The following SLC29A4 variants were observed in gnomAD, a reference collection of about 807,000 sequenced individuals.
SLC29A4 encodes solute carrier family 29 member 4.
In SLC29A4, 36 loss-of-function variants were observed where a neutral mutation model predicts 43.9. The ratio of observed to expected loss-of-function variants is 0.82; its 90% CI spans 0.63 to 1.08. SLC29A4 has a LOEUF of 1.08. Ranked by LOEUF, SLC29A4 falls within the 50% of genes least tolerant of loss-of-function variation. SLC29A4 has a pLI of 0.00. For synonymous variants in SLC29A4, 491 were observed against 338.0 expected (o/e 1.45, Z -4.97); for missense variants, 869 against 755.3 (o/e 1.15, Z -1.77).
chr7:5,291,223 C>G lies in SLC29A4; in HGVS notation c.401C>G (p.Thr134Ser). The change falls in exon 4 of 11, where the codon ACC becomes AGC. Residue 134 changes from threonine to serine, a missense_variant. Thr to Ser is a moderately conservative substitution (Grantham distance 58). Coordinates refer to ENST00000396872, the MANE Select transcript of SLC29A4 (RefSeq NM_153247.4). ...CTGGTGGAGAGACTGACCCTGCACA[C>G]CAGGATCACCGCAGGTGCGCTGGGC... Reference protein sequence around the residue: ...NVLVERLTLHTRITAGYLLAL... With the variant: ...NVLVERLTLHSRITAGYLLAL... The G allele has an allele frequency of 1.2e-6, 2 of 1,612,698 alleles. No homozygotes were observed. The highest frequency in any genetic ancestry group is 8.5e-7 in the Non-Finnish European group (1 of 1,179,904).
intron 7 of SLC29A4, 40 bp from the exon 8 acceptor site, chr7:5,298,948 C>T (rs773379735): frequency 3.1e-6 from 5 of 1,590,740 alleles, no homozygotes; most frequent in African/African-American, 1.3e-5. Flanking sequence ...TCCTGTCCTC[C>T]CTTCCACTCC....
chr7:5,297,628 C>G (rs191103196), intron 7 of SLC29A4, among the ~76,000 whole-genome samples: 22 of 152,338 alleles, frequency 1.4e-4, no homozygotes, highest in Admixed American at 5.9e-4. Context: ...GCAGCAAACT[C>G]TCTAGGAAGC....
At chr7:5,300,013 C>G (rs920852596) in intron 9 of SLC29A4, among the ~76,000 whole-genome samples, 15 of 152,314 alleles carry the variant, frequency 9.8e-5, no homozygotes, top group African/African-American at 3.6e-4. Context: ...GATCGTGCCA[C>G]TGCACTCCAG....
In SLC29A4 at chr7:5,292,534, G is replaced by A. The variant is rs764195015; in HGVS notation, c.544+713G>A. Among the ~76,000 whole-genome samples, 23 of 151,620 alleles carry A rather than the reference G, an allele frequency of 1.5e-4. 1 individual carries two copies. Among genetic ancestry groups the A allele is most frequent in the Admixed American group, 1.3e-4 (2 of 15,170 alleles). On this transcript the variant is annotated intron_variant, in intron 5 of 10. Transcript: ENST00000396872. The stretch of plus-strand genomic sequence containing the variant: ...CTCTCTCCCCCTCTCCCTCCACCCC[G>A]TCTCTCTGTACTTAAATTTCTCCCT...
chr7:5,287,305 C>T (rs1442618184), intron 1 of SLC29A4, among the ~76,000 whole-genome samples: 7 of 151,892 alleles, frequency 4.6e-5, no homozygotes, highest in Admixed American at 1.3e-4. Flanking sequence ...GTGGTCCCAG[C>T]TACTTGGGAG....
intron 5 of SLC29A4, among the ~76,000 whole-genome samples, chr7:5,294,376 G>C (rs1445320107): frequency 6.6e-6 from 1 of 152,120 alleles, no homozygotes; most frequent in African/African-American, 2.4e-5. Flanking sequence ...GTATTAGTTA[G>C]GATGAGAGGG....
intron 2 of SLC29A4, among the ~76,000 whole-genome samples, chr7:5,290,429 T>G (rs1167649688): frequency 3.6e-4 from 54 of 152,102 alleles, no homozygotes; most frequent in Admixed American, 3.5e-3. Context: ...ACTCCTGAGT[T>G]CAGGTGATCT....
rs748076860 is a variant in SLC29A4 at position 5,297,195 on chromosome 7, C to T, written c.879C>T (p.His293=). The change falls in exon 7 of 11, where the codon CAC becomes CAT. Residue 293 remains histidine (H), a synonymous_variant. Transcript: ENST00000396872. The part of the protein sequence containing the change: ...VHHDVVAGDV[H]FEHPAPALAP... ...ACGACGTTGTCGCCGGGGACGTCCA[C>T]TTCGTAAGTGCGCACCGCCCACCTC... 34 of 1,584,648 alleles carry T rather than the reference C, an allele frequency of 2.1e-5. No individual in the cohort carries two copies. In the African/African-American group the frequency reaches 3.2e-4, roughly 15 times the overall value.
intron 3 of SLC29A4, 31 bp from the exon 4 acceptor site, chr7:5,291,093 C>T: frequency 5.0e-6 from 8 of 1,608,982 alleles, no homozygotes; most frequent in East Asian, 4.5e-5. Flanking sequence ...TGGGGCCTCC[C>T]TGAGCACCTG....
intron 10 of SLC29A4, among the ~76,000 whole-genome samples, chr7:5,301,535 G>T (rs1786164008): frequency 6.6e-6 from 1 of 152,198 alleles, no homozygotes. Flanking sequence ...GCGGCACTGA[G>T]GCCAGGGGAT....
At position 5,294,936 on chromosome 7, in the gene SLC29A4, T is replaced by A. The variant is rs936385402; in HGVS notation, c.619+2T>A. On this transcript the variant is annotated splice_donor_variant, in intron 6 of 10. Coordinates refer to ENST00000396872, the MANE Select transcript of SLC29A4 (RefSeq NM_153247.4). LOFTEE classifies it high-confidence loss of function. ...CGCAGGGGGTGATGACCGGGGAGAGTGAGTATCTGCAGACCCCCCGGGGAG... is the reference window on the plus strand; with the variant it reads ...CGCAGGGGGTGATGACCGGGGAGAGAGAGTATCTGCAGACCCCCCGGGGAG... 6.3e-7 allele frequency: 1 copy of A among 1,599,976 alleles called. No individual in the cohort carries two copies.
Position 5,299,409 on chromosome 7 carries a change from G to C in SLC29A4, c.1191G>C (p.Leu397=), listed in dbSNP as rs778856950. Reference sequence around the variant, plus strand: ...TCCTCATCATGGCTGTGTTCAACCTGTCAGACTTCGTGGGCAAGGTGGGCT... The same window carrying C: ...TCCTCATCATGGCTGTGTTCAACCTCTCAGACTTCGTGGGCAAGGTGGGCT... The part of the protein sequence containing the change: ...LPILIMAVFN[L]SDFVGKILAA... Residue 397 remains leucine, a synonymous_variant, in exon 9 of 11, where the codon CTG becomes CTC. Transcript: ENST00000396872. 13 of 1,611,528 alleles carry C rather than the reference G, an allele frequency of 8.1e-6. No homozygotes were observed. The highest frequency in any genetic ancestry group is 1.0e-5 in the Non-Finnish European group (12 of 1,179,302).
Position 5,296,923 on chromosome 7 carries a change from G to T in SLC29A4, c.620-13G>T. The T allele has an allele frequency of 6.3e-7, 1 of 1,582,484 alleles. No individual in the cohort carries two copies. The highest frequency in any genetic ancestry group is 8.5e-7 in the Non-Finnish European group (1 of 1,172,180). ...GGCGGATCAGGCCCCGGCCCACTGT[G>T]CACGCCCCCCAGGCACGGCGGGCGT... is the stretch of plus-strand genomic sequence containing the variant. On this transcript the variant is annotated splice_polypyrimidine_tract_variant and intron_variant, in intron 6 of 10. Coordinates refer to ENST00000396872, the MANE Select transcript of SLC29A4 (RefSeq NM_153247.4).
chr7:5,293,424 C>T (rs549918388), intron 5 of SLC29A4, among the ~76,000 whole-genome samples: 1 of 152,220 alleles, frequency 6.6e-6, no homozygotes, highest in South Asian at 2.1e-4. Flanking sequence ...CCTGCCTCAG[C>T]CTCCCAAAGT....
intron 7 of SLC29A4, 97 bp downstream of exon 7, chr7:5,297,295 A>G (rs1785776095): frequency 5.2e-6 from 7 of 1,356,430 alleles, no homozygotes; most frequent in East Asian, 2.6e-5. Flanking sequence ...TCTCACCTGC[A>G]TCCCAGACTG....
intron 10 of SLC29A4, among the ~76,000 whole-genome samples, chr7:5,300,938 G>A (rs995972700): frequency 6.6e-6 from 1 of 152,160 alleles, no homozygotes; most frequent in Non-Finnish European, 1.5e-5. Context: ...GGCGCTCCCC[G>A]TGCTGTGGGA....
chr7:5,286,588 A>G (rs1303604934), intron 1 of SLC29A4, among the ~76,000 whole-genome samples: 1 of 152,080 alleles, frequency 6.6e-6, no homozygotes, highest in Non-Finnish European at 1.5e-5. Context: ...TCAGGCACAC[A>G]CAGGGCTGCC....
intron 6 of SLC29A4, among the ~76,000 whole-genome samples, chr7:5,295,532 C>G (rs962880673): frequency 2.6e-5 from 4 of 152,254 alleles, no homozygotes; most frequent in Non-Finnish European, 5.9e-5. Flanking sequence ...GGCCTCCAGC[C>G]CCTGCAGAGG....
At chr7:5,288,208 C>G (rs1242294931) in intron 2 of SLC29A4, among the ~76,000 whole-genome samples, 1 of 151,960 alleles carries the variant, frequency 6.6e-6, no homozygotes, top group African/African-American at 2.4e-5. Context: ...GCCGACAGCC[C>G]CAGGCAGAGG....
Sources: gnomAD v4.1 joint callset for allele counts (sites outside exome capture counted in the v4.1 genomes callset) on GRCh38, gnomAD v4.1.1 for gene constraint, MANE v1.5 for transcripts, NCBI Gene and HGNC (gene_info 2026-07-23, HGNC 2026-07-21) for gene names.